The following AUTS2 variants were observed in gnomAD, a reference collection of about 807,000 sequenced individuals.
The protein encoded by AUTS2 is autism susceptibility gene 2 protein.
AUTS2 carries 17 observed loss-of-function variants against 112.4 expected under a neutral mutation model. The ratio of observed to expected loss-of-function variants is 0.15; its 90% CI spans 0.10 to 0.23. The LOEUF is 0.23. Among genes scored for constraint, AUTS2 ranks in the 10% least tolerant of loss-of-function variants. AUTS2 has a pLI of 1.00. For missense variants in AUTS2, 1,510 were observed against 1,701.6 expected, an observed-to-expected ratio of 0.89 and a Z score of 1.98; for synonymous variants, 751 against 702.7, an observed-to-expected ratio of 1.07 and a Z score of -1.09.
At chr7:70,011,906 A>G (rs539647199) in intron 2 of AUTS2, among the ~76,000 whole-genome samples, 9 of 152,126 alleles carry the variant, frequency 5.9e-5, no homozygotes, top group Non-Finnish European at 1.3e-4. Flanking sequence ...TTTCACTGTC[A>G]TGTGTCCTGG....
chr7:70,241,765 T>C (rs906253927), intron 4 of AUTS2, among the ~76,000 whole-genome samples: 3 of 152,090 alleles, frequency 2.0e-5, no homozygotes, highest in Admixed American at 2.0e-4. Context: ...AATTTGAGAG[T>C]GTTAGGAAGA....
chr7:70,658,539 G>C (rs1178564817), intron 5 of AUTS2, among the ~76,000 whole-genome samples: 1 of 152,210 alleles, frequency 6.6e-6, no homozygotes, highest in Non-Finnish European at 1.5e-5. Flanking sequence ...ACACAGACAA[G>C]AGCACAGGCT....
At chr7:70,000,009 C>T (rs1335218326) in intron 2 of AUTS2, among the ~76,000 whole-genome samples, 1 of 152,126 alleles carries the variant, frequency 6.6e-6, no homozygotes, top group Admixed American at 6.6e-5. Context: ...TTTGTGTATC[C>T]CTACACAGCT....
At chr7:70,137,892 C>T (rs1387146605) in intron 4 of AUTS2, among the ~76,000 whole-genome samples, 2 of 152,136 alleles carry the variant, frequency 1.3e-5, no homozygotes, top group African/African-American at 2.4e-5. Flanking sequence ...TTATTATATT[C>T]TTCTTGTAGC....
At chr7:70,512,362 C>T (rs1799231085) in intron 5 of AUTS2, among the ~76,000 whole-genome samples, 1 of 152,178 alleles carries the variant, frequency 6.6e-6, no homozygotes, top group Admixed American at 6.5e-5. Flanking sequence ...TGAAGCCAGA[C>T]CACTTGGAGG....
chr7:70,732,007 G>T (rs1377392440), intron 6 of AUTS2, among the ~76,000 whole-genome samples: 1 of 152,070 alleles, frequency 6.6e-6, no homozygotes, highest in Non-Finnish European at 1.5e-5. Flanking sequence ...TCAGATTCCA[G>T]GTGACAAAAT....
intron 1 of AUTS2, among the ~76,000 whole-genome samples, chr7:69,732,469 G>T (rs904857849): frequency 2.0e-5 from 3 of 152,076 alleles, no homozygotes; most frequent in African/African-American, 7.2e-5. Context: ...TGGAGTGCTG[G>T]CTCTGTGGAC....
intron 2 of AUTS2, among the ~76,000 whole-genome samples, chr7:70,004,292 ATATAT>A (rs1025758753): frequency 1.3e-4 from 17 of 134,690 alleles, no homozygotes; most frequent in African/African-American, 3.6e-4. Context: ...TTATATATGA[ATATAT>A]TATATGTGAC....
intron 2 of AUTS2, among the ~76,000 whole-genome samples, chr7:70,043,430 C>T (rs959674696): frequency 6.6e-6 from 1 of 151,960 alleles, no homozygotes; most frequent in African/African-American, 2.4e-5. Context: ...GAAGAACAGA[C>T]AATGTTTTCT....
intron 2 of AUTS2, among the ~76,000 whole-genome samples, chr7:70,044,631 G>A (rs1041573830): frequency 3.9e-5 from 6 of 152,180 alleles, no homozygotes; most frequent in Admixed American, 6.6e-5. Context: ...TAATTGATGA[G>A]TAAATGAAAT....
intron 1 of AUTS2, among the ~76,000 whole-genome samples, chr7:69,740,957 A>G (rs2129246167): frequency 6.6e-6 from 1 of 152,270 alleles, no homozygotes; most frequent in African/African-American, 2.4e-5. Context: ...GGGCTTGGAT[A>G]GTTCTAGCAA....
chr7:69,672,048 G>T (rs1403434733), intron 1 of AUTS2, among the ~76,000 whole-genome samples: 1 of 151,612 alleles, frequency 6.6e-6, no homozygotes. Context: ...AGAGGGGAAC[G>T]TAACTTTTCT....
chr7:69,809,271 G>T (rs1179971324), intron 1 of AUTS2, among the ~76,000 whole-genome samples: 1 of 151,814 alleles, frequency 6.6e-6, no homozygotes, highest in East Asian at 2.0e-4. Flanking sequence ...GTAGAGACGG[G>T]GTTTCACTGT....
intron 1 of AUTS2, among the ~76,000 whole-genome samples, chr7:69,770,155 T>C (rs1185669543): frequency 6.6e-6 from 1 of 152,196 alleles, no homozygotes; most frequent in Non-Finnish European, 1.5e-5. Context: ...GGTCATCTTT[T>C]ATTGAGAGGC....
At chr7:70,256,568 C>T (rs1468272808) in intron 4 of AUTS2, among the ~76,000 whole-genome samples, 2 of 152,198 alleles carry the variant, frequency 1.3e-5, no homozygotes, top group African/African-American at 2.4e-5. Context: ...AGTTGTCTGT[C>T]AGGGCTGCCC....
At chr7:69,627,274 CTGAGGT>C (rs1394839168) in intron 1 of AUTS2, among the ~76,000 whole-genome samples, 1 of 152,086 alleles carries the variant, frequency 6.6e-6, no homozygotes, top group African/African-American at 2.4e-5. Flanking sequence ...GGGCGGATCC[CTGAGGT>C]TGGGAGTTGA....
At chr7:69,924,123 G>A (rs1795917569) in intron 2 of AUTS2, among the ~76,000 whole-genome samples, 1 of 152,090 alleles carries the variant, frequency 6.6e-6, no homozygotes, top group African/African-American at 2.4e-5. Context: ...TCCATTCTAA[G>A]TTTGTCAGAA....
At chr7:69,904,237 A>G (rs952295777) in intron 2 of AUTS2, among the ~76,000 whole-genome samples, 8 of 152,184 alleles carry the variant, frequency 5.3e-5, no homozygotes, top group African/African-American at 1.9e-4. Flanking sequence ...AGTGTTTGCT[A>G]CCAGAGGCTG....
intron 2 of AUTS2, among the ~76,000 whole-genome samples, chr7:69,978,859 AACACACACACACACACACACACACACAC>A (rs71068004): frequency 3.1e-5 from 4 of 129,642 alleles, no homozygotes; most frequent in African/African-American, 1.2e-4. Context: ...TCAAAGAAAC[AACACACACACACACACACACACACACAC>A]ACACACACAC....
Sources: allele counts gnomAD v4.1 joint callset (sites outside exome capture counted in the v4.1 genomes callset), GRCh38; gene constraint gnomAD v4.1.1; transcripts MANE v1.5; gene names NCBI Gene and HGNC (gene_info 2026-07-23, HGNC 2026-07-21).